ZNF423: variants seen among roughly 807,000 people sequenced by gnomAD.
ZNF423 encodes zinc finger protein 423, also known as Ebf-associated zinc finger protein.
A neutral mutation model predicts 95.8 loss-of-function variants in ZNF423; 12 were observed. That is an observed-to-expected ratio of 0.13 (90% CI 0.08 to 0.20). The LOEUF (loss-of-function observed/expected upper bound fraction) is 0.20, where lower values mean the gene tolerates loss of function less well. Ranked by LOEUF, ZNF423 falls within the 10% of genes least tolerant of loss-of-function variation. The probability of loss-of-function intolerance (pLI) is 1.00; values close to 1 mark genes in which losing one functional copy is unlikely to be tolerated. For synonymous variants in ZNF423, 749 were observed against 711.9 expected, an observed-to-expected ratio of 1.05 and a Z score of -0.83; for missense variants, 1,316 against 1,737.1, an observed-to-expected ratio of 0.76 and a Z score of 4.31.
chr16:49,521,725 T>C (rs1306780382), intron 7 of ZNF423, among the ~76,000 whole-genome samples: 1 of 152,164 alleles, frequency 6.6e-6, no homozygotes, highest in Non-Finnish European at 1.5e-5. Context: ...ATGAGCACCG[T>C]AAGGATGAAA....
chr16:49,721,981 C>G (rs2032879500), intron 3 of ZNF423, among the ~76,000 whole-genome samples: 1 of 152,148 alleles, frequency 6.6e-6, no homozygotes, highest in Admixed American at 6.5e-5. Flanking sequence ...GTAATCAAGT[C>G]AAGGGAGGGA....
At chr16:49,672,449 A>G (rs1245633638) in intron 3 of ZNF423, among the ~76,000 whole-genome samples, 1 of 151,648 alleles carries the variant, frequency 6.6e-6, no homozygotes. Flanking sequence ...AACCATGGCC[A>G]TCTGGCCTGG....
Position 49,492,472 on chromosome 16 carries a change from A to C in ZNF423, c.3850-1168T>G, listed in dbSNP as rs538082551. Among the ~76,000 whole-genome samples the C allele has an allele frequency of 6.6e-6, 1 of 152,098 alleles. No individual in the cohort carries two copies. Among genetic ancestry groups the C allele is most frequent in the East Asian group, 1.9e-4 (1 of 5,142 alleles). ...TGCCAGTAGCCTCGCCCGGAGGCCG[A>C]GGCCGGGGCCGGGGCCGGGGCCGGG... On this transcript the variant is annotated intron_variant, in intron 7 of 7. Transcript: ENST00000563137. The surrounding 1 kb of genome is among the most constrained non-coding windows in gnomAD (Gnocchi z 4.2).
At chr16:49,815,912 A>AT (rs1335669959) in intron 1 of ZNF423, among the ~76,000 whole-genome samples, 80 of 36,706 alleles carry the variant, frequency 2.2e-3, no homozygotes, top group South Asian at 7.6e-3. Flanking sequence ...ATATATATAT[A>AT]TATTTTTTTT....
At chr16:49,499,207 G>C (rs1967286518) in intron 7 of ZNF423, among the ~76,000 whole-genome samples, 1 of 152,246 alleles carries the variant, frequency 6.6e-6, no homozygotes, top group East Asian at 1.9e-4. Context: ...ACAAAGCCCT[G>C]AGATGTCCTA....
In ZNF423 at chr16:49,635,531, G is replaced by C. The variant is rs557331861; in HGVS notation, c.3516+129C>G. The C allele has an allele frequency of 2.9e-5, 36 of 1,238,204 alleles. No individual in the cohort carries two copies. The highest frequency in any genetic ancestry group is 3.8e-5 in the Non-Finnish European group (35 of 921,888). The allele number at this position is 1,238,204 out of a possible 1,614,324, so 76.7% of individuals were successfully genotyped here. On this transcript the variant is annotated intron_variant, in intron 4 of 7. Coordinates refer to ENST00000563137, the MANE Select transcript of ZNF423 (RefSeq NM_001379286.1). This position sits in a 1 kb window ranked among gnomAD's most constrained non-coding sequence, Gnocchi z 4.8. The stretch of plus-strand genomic sequence containing the variant: ...AACTCAAGGAGTCTACAGCACAGCA[G>C]TTCTGTTTTGCCACTGCGCGATAGC...
intron 3 of ZNF423, among the ~76,000 whole-genome samples, chr16:49,673,939 G>A (rs574334822): frequency 2.0e-5 from 3 of 152,174 alleles, no homozygotes; most frequent in Non-Finnish European, 2.9e-5. Context: ...CTCAGTTCTG[G>A]CAGGGTGATC....
In ZNF423 at chr16:49,855,511, T is replaced by G. The variant is rs1454631672; in HGVS notation, c.40+224A>C. On this transcript the variant is annotated intron_variant, in intron 1 of 7. Transcript: ENST00000563137. This position sits in a 1 kb window ranked among gnomAD's most constrained non-coding sequence, Gnocchi z 4.7. ...GGGAGGGTGTCCGCGGCGTACCCCC[T>G]CCGCCGCCGCCGCCGCCGCCGCCGC... 6.3e-5 allele frequency among the ~76,000 whole-genome samples: 9 copies of G among 143,946 alleles called. No individual in the cohort carries two copies. In the South Asian group the frequency reaches 6.7e-4, roughly 11 times the overall value. The allele number at this position is 143,946 out of a possible 152,430, so 94.4% of individuals were successfully genotyped here. A position where few individuals can be genotyped will look rare whatever the true frequency, so the allele number is the denominator to read the frequency against.
chr16:49,662,203 T>C (rs1340851735), intron 3 of ZNF423, among the ~76,000 whole-genome samples: 1 of 152,182 alleles, frequency 6.6e-6, no homozygotes, highest in African/African-American at 2.4e-5. Context: ...CCAGTCCCCC[T>C]GAAGGGCTCT....
intron 3 of ZNF423, among the ~76,000 whole-genome samples, chr16:49,721,917 C>A (rs1436918383): frequency 1.3e-5 from 2 of 152,118 alleles, no homozygotes; most frequent in East Asian, 3.9e-4. Flanking sequence ...AATTTGTCAT[C>A]CAATTTTGGG....
intron 1 of ZNF423, among the ~76,000 whole-genome samples, chr16:49,837,410 A>G (rs1449264238): frequency 6.6e-6 from 1 of 152,198 alleles, no homozygotes; most frequent in Non-Finnish European, 1.5e-5. Flanking sequence ...GGTGCCTGTG[A>G]GAGCCTCTGG....
chr16:49,534,776 A>C (rs1238989233), intron 5 of ZNF423, among the ~76,000 whole-genome samples: 1 of 151,902 alleles, frequency 6.6e-6, no homozygotes, highest in Non-Finnish European at 1.5e-5. Context: ...TGCTACTTCC[A>C]CCTTCAAAAT....
At chr16:49,600,504 C>T (rs955043349) in intron 5 of ZNF423, among the ~76,000 whole-genome samples, 6 of 151,994 alleles carry the variant, frequency 3.9e-5, no homozygotes, top group African/African-American at 1.4e-4. Context: ...ACCAGCCTCA[C>T]AATTCTAAAC....
At chr16:49,579,920 C>A (rs140994115) in intron 5 of ZNF423, among the ~76,000 whole-genome samples, 1 of 152,090 alleles carries the variant, frequency 6.6e-6, no homozygotes, top group Non-Finnish European at 1.5e-5. Flanking sequence ...AGTTTGTCCA[C>A]CTACCTTTCA....
chr16:49,627,114 C>CT (rs918477614), intron 4 of ZNF423, among the ~76,000 whole-genome samples: 20 of 143,478 alleles, frequency 1.4e-4, no homozygotes, highest in Admixed American at 1.4e-3. Context: ...CATCCTCCAT[C>CT]TACCCATCCA....
intron 5 of ZNF423, among the ~76,000 whole-genome samples, chr16:49,549,813 G>C (rs549888794): frequency 6.6e-6 from 1 of 152,092 alleles, no homozygotes; most frequent in South Asian, 2.1e-4. Flanking sequence ...TTTCTGAACC[G>C]TAAGGCTTAG....
intron 5 of ZNF423, among the ~76,000 whole-genome samples, chr16:49,594,523 A>G (rs1261907635): frequency 6.6e-6 from 1 of 152,194 alleles, no homozygotes; most frequent in African/African-American, 2.4e-5. Context: ...CAACACACAG[A>G]CAGGAATATA....
chr16:49,788,072 C>A (rs1385156103), intron 2 of ZNF423, among the ~76,000 whole-genome samples: 1 of 152,248 alleles, frequency 6.6e-6, no homozygotes, highest in Non-Finnish European at 1.5e-5. Flanking sequence ...CCAGTGCTGA[C>A]CCCAAGGCCT....
intron 5 of ZNF423, among the ~76,000 whole-genome samples, chr16:49,599,785 G>T (rs1034227033): frequency 1.3e-5 from 2 of 152,184 alleles, no homozygotes; most frequent in Non-Finnish European, 2.9e-5. Flanking sequence ...CGATTCAACA[G>T]AAATGACACT....
Sources: allele counts gnomAD v4.1 joint callset (sites outside exome capture counted in the v4.1 genomes callset), GRCh38; gene constraint gnomAD v4.1.1; non-coding constraint Gnocchi (gnomAD v3.1); transcripts MANE v1.5; gene names NCBI Gene and HGNC (gene_info 2026-07-23, HGNC 2026-07-21).